The following FILIP1L variants were observed in gnomAD, a reference collection of about 807,000 sequenced individuals.
FILIP1L encodes filamin A-interacting protein 1-like.
FILIP1L carries 55 observed loss-of-function variants against 96.6 expected under a neutral mutation model. The ratio of observed to expected loss-of-function variants is 0.57; its 90% confidence interval spans 0.46 to 0.71. The LOEUF is 0.71. Ranked by LOEUF, FILIP1L falls within the 30% of genes least tolerant of loss-of-function variation. The pLI is 0.00. For synonymous variants in FILIP1L, 467 were observed against 473.9 expected (o/e 0.99, Z 0.19); for missense variants, 1,304 against 1,321.2 (o/e 0.99, Z 0.20).
chr3:99,881,384 A>G (rs1705721544), intron 4 of FILIP1L, among the ~76,000 whole-genome samples: 1 of 151,940 alleles, frequency 6.6e-6, no homozygotes, highest in Non-Finnish European at 1.5e-5. Context: ...TGCAGAAGTG[A>G]AAAAAAACCC....
rs1279579100 is a variant in FILIP1L at position 100,097,446 on chromosome 3, TC to T, written c.-11+16606del. Among the ~76,000 whole-genome samples, 6 of 152,290 alleles carry T rather than the reference TC, an allele frequency of 3.9e-5. No individual in the cohort carries two copies. The East Asian group carries it at 1.2e-3, about 29-fold the overall frequency. On this transcript the variant is annotated intron_variant, in intron 1 of 5. Transcript: ENST00000477258. Reference sequence around the variant, plus strand: ...CTCAGATTTTGGTATCTGAAGGGAGTCCTGGAACCAATCTTCTGTGGATATG... The same window carrying T: ...CTCAGATTTTGGTATCTGAAGGGAGTCTGGAACCAATCTTCTGTGGATATG...
chr3:99,832,172 C>G (rs1175028278), intron 5 of FILIP1L, among the ~76,000 whole-genome samples: 2 of 151,768 alleles, frequency 1.3e-5, no homozygotes, highest in African/African-American at 4.8e-5. Flanking sequence ...GTTTTTACCT[C>G]TAGATGGCAG....
intron 1 of FILIP1L, among the ~76,000 whole-genome samples, chr3:100,098,289 C>T (rs932514913): frequency 6.6e-6 from 1 of 152,192 alleles, no homozygotes; most frequent in Middle Eastern, 3.2e-3. Flanking sequence ...AGTAAAGAAA[C>T]AAGCACTGTG....
chr3:100,021,012 G>T (rs548398944), intron 1 of FILIP1L, among the ~76,000 whole-genome samples: 1 of 152,078 alleles, frequency 6.6e-6, no homozygotes, highest in Non-Finnish European at 1.5e-5. Flanking sequence ...TGATCTGCCC[G>T]CCTTGGCCTC....
At chr3:100,085,214 C>A (rs569026191) in intron 1 of FILIP1L, among the ~76,000 whole-genome samples, 1 of 152,196 alleles carries the variant, frequency 6.6e-6, no homozygotes, top group South Asian at 2.1e-4. Flanking sequence ...GTACAACCAA[C>A]CTGAAGTTTG....
chr3:99,842,500 AG>A (rs1413295429), intron 5 of FILIP1L, among the ~76,000 whole-genome samples: 4 of 81,238 alleles, frequency 4.9e-5, no homozygotes, highest in Non-Finnish European at 7.1e-5. Context: ...AAATTAAAAC[AG>A]GCCAAAAAAA....
chr3:100,029,478 C>T (rs1315716198), intron 1 of FILIP1L, among the ~76,000 whole-genome samples: 1 of 152,154 alleles, frequency 6.6e-6, no homozygotes, highest in East Asian at 1.9e-4. Flanking sequence ...GTTACTATCA[C>T]ATTAAATAGT....
At chr3:100,070,975 T>C (rs2065751469) in intron 1 of FILIP1L, among the ~76,000 whole-genome samples, 1 of 152,190 alleles carries the variant, frequency 6.6e-6, no homozygotes, top group Non-Finnish European at 1.5e-5. Context: ...ATTCTCACTA[T>C]GTAATGCCCT....
At chr3:100,050,516 A>C (rs752744161) in intron 1 of FILIP1L, among the ~76,000 whole-genome samples, 19 of 151,940 alleles carry the variant, frequency 1.3e-4, no homozygotes, top group Non-Finnish European at 1.5e-4. Context: ...AAATTCCCAC[A>C]ATTTGTTTGT....
chr3:99,836,606 C>G (rs534035286), intron 5 of FILIP1L, among the ~76,000 whole-genome samples: 7 of 152,312 alleles, frequency 4.6e-5, no homozygotes, highest in Admixed American at 6.5e-5. Context: ...TTTCCCAGAG[C>G]CTGAGATGAA....
chr3:100,037,861 C>T (rs1219160424), intron 1 of FILIP1L, among the ~76,000 whole-genome samples: 3 of 152,064 alleles, frequency 2.0e-5, no homozygotes, highest in Non-Finnish European at 4.4e-5. Context: ...CTAATTTCTT[C>T]CTCACAATTA....
chr3:99,964,036 GC>G (rs1304723844), intron 1 of FILIP1L, among the ~76,000 whole-genome samples: 3 of 152,094 alleles, frequency 2.0e-5, no homozygotes, highest in Admixed American at 1.3e-4. Context: ...TAATCTTCAA[GC>G]CCATGTTTGA....
chr3:99,960,338 A>G (rs1340646376), intron 1 of FILIP1L, among the ~76,000 whole-genome samples: 1 of 152,152 alleles, frequency 6.6e-6, no homozygotes, highest in Non-Finnish European at 1.5e-5. Context: ...GGGCTCCAAA[A>G]AGTTAAGTGG....
chr3:99,846,025 T>C (rs1943349114), intron 5 of FILIP1L, among the ~76,000 whole-genome samples: 1 of 152,226 alleles, frequency 6.6e-6, no homozygotes, highest in African/African-American at 2.4e-5. Flanking sequence ...TTAACTTTAT[T>C]ATAGAGAATT....
chr3:100,019,966 A>G (rs925818084), intron 1 of FILIP1L, among the ~76,000 whole-genome samples: 12 of 152,158 alleles, frequency 7.9e-5, no homozygotes, highest in African/African-American at 2.9e-4. Flanking sequence ...AACTGGCTTA[A>G]AAGCTCTGTG....
chr3:99,896,735 G>A (rs1173227077), intron 4 of FILIP1L, among the ~76,000 whole-genome samples: 2 of 152,204 alleles, frequency 1.3e-5, no homozygotes, highest in African/African-American at 4.8e-5. Flanking sequence ...CCTTTGTTCA[G>A]TAGAGTTTTG....
chr3:100,013,086 G>A (rs1037663848), intron 1 of FILIP1L, among the ~76,000 whole-genome samples: 1 of 151,802 alleles, frequency 6.6e-6, no homozygotes, highest in African/African-American at 2.4e-5. Flanking sequence ...CTTGTTGTCC[G>A]GGCTGATCTT....
chr3:99,991,980 A>G (rs539406953), intron 1 of FILIP1L, among the ~76,000 whole-genome samples: 42 of 147,066 alleles, frequency 2.9e-4, no homozygotes, highest in African/African-American at 1.0e-3. Context: ...ACACACATAT[A>G]TGTGTATATA....
chr3:99,958,834 G>A (rs1374825868), intron 1 of FILIP1L, among the ~76,000 whole-genome samples: 1 of 152,186 alleles, frequency 6.6e-6, no homozygotes, highest in African/African-American at 2.4e-5. Context: ...ATGAACTGGA[G>A]ATAGCTGTAC....
Sources: gnomAD v4.1 joint callset for allele counts (sites outside exome capture counted in the v4.1 genomes callset) on GRCh38, gnomAD v4.1.1 for gene constraint, MANE v1.5 for transcripts, NCBI Gene and HGNC (gene_info 2026-07-23, HGNC 2026-07-21) for gene names.